The following THADA variants were observed in gnomAD, a reference collection of about 807,000 sequenced individuals.
THADA encodes the protein tRNA (32-2'-O)-methyltransferase regulator THADA.
THADA carries 213 observed loss-of-function variants against 219.8 expected under a neutral mutation model. The ratio of observed to expected loss-of-function variants is 0.97; its 90% CI spans 0.87 to 1.09. The LOEUF (loss-of-function observed/expected upper bound fraction) is 1.09, where lower values mean the gene tolerates loss of function less well. Ranked by LOEUF, THADA falls within the 50% of genes least tolerant of loss-of-function variation. The probability of loss-of-function intolerance (pLI) is 0.00; values close to 1 mark genes in which losing one functional copy is unlikely to be tolerated. For synonymous variants in THADA, 1,018 were observed against 828.9 expected, an observed-to-expected ratio of 1.23 and a Z score of -3.92; for missense variants, 2,956 against 2,311.3, an observed-to-expected ratio of 1.28 and a Z score of -5.72.
rs34612589 is a variant in THADA, at chr2:43,430,241, A to C, written c.3898T>G (p.Leu1300Val). The stretch of plus-strand genomic sequence containing the variant: ...TCTACTGTATTGGCTACAGTTTCCA[A>C]CTGTTTGAGAAGAAAAGGATAGAGT... Reference protein sequence around the residue: ...PELYPFLLKQLETVANTVDSD... With the variant: ...PELYPFLLKQVETVANTVDSD... The change falls in exon 27 of 38, where the codon TTG becomes GTG. Residue 1300 changes from leucine (L) to valine (V), a missense_variant. Coordinates refer to ENST00000405975, the MANE Select transcript of THADA (RefSeq NM_022065.5). 4 of 1,550,808 alleles carry C rather than the reference A, an allele frequency of 2.6e-6. No homozygotes were observed. The highest frequency in any genetic ancestry group is 3.5e-6 in the Non-Finnish European group (4 of 1,146,892).
At chr2:43,589,107 G>C (rs1701291322) in intron 4 of THADA, among the ~76,000 whole-genome samples, 1 of 152,088 alleles carries the variant, frequency 6.6e-6, no homozygotes, top group Non-Finnish European at 1.5e-5. Context: ...ATATGGTCCA[G>C]CAATCCCACT....
In THADA at chr2:43,508,628, A is replaced by G; in HGVS notation, c.3507+20T>C. ...AAAAGACAAATATAAACAAACAGCTAGGGTCCTACAGATAAATACCTGTAT... is the reference window on the plus strand; with the variant it reads ...AAAAGACAAATATAAACAAACAGCTGGGGTCCTACAGATAAATACCTGTAT... On this transcript the variant is annotated intron_variant, in intron 23 of 37. Transcript: ENST00000405975. The G allele has an allele frequency of 6.2e-7, 1 of 1,608,942 alleles. No individual in the cohort carries two copies. Among genetic ancestry groups the G allele is most frequent in the Non-Finnish European group, 8.5e-7 (1 of 1,177,738 alleles).
intron 26 of THADA, among the ~76,000 whole-genome samples, chr2:43,476,076 C>A (rs1685498729): frequency 6.6e-6 from 1 of 152,160 alleles, no homozygotes; most frequent in African/African-American, 2.4e-5. Flanking sequence ...CCAGCACCAA[C>A]CCCAGACCCA....
intron 25 of THADA, among the ~76,000 whole-genome samples, chr2:43,496,630 G>A (rs1688308804): frequency 6.6e-6 from 1 of 151,612 alleles, no homozygotes; most frequent in Non-Finnish European, 1.5e-5. Flanking sequence ...AGAATGAGAT[G>A]CCACTTCACA....
At chr2:43,390,187 C>T (rs1398579877) in intron 29 of THADA, among the ~76,000 whole-genome samples, 1 of 152,172 alleles carries the variant, frequency 6.6e-6, no homozygotes, top group African/African-American at 2.4e-5. Context: ...GACAGACTGA[C>T]GGTATTCACG....
intron 29 of THADA, among the ~76,000 whole-genome samples, chr2:43,381,583 C>CTT (rs758714440): frequency 3.5e-5 from 5 of 141,384 alleles, no homozygotes; most frequent in Non-Finnish European, 4.6e-5. Context: ...AGTGATAAGT[C>CTT]TTTTTTTTTT....
Position 43,230,969 on chromosome 2 carries a change from TG to T in THADA, c.5840del (p.Pro1947GlnfsTer25), listed in dbSNP as rs1428556506. ...TTCTTCAACATGCCGCTTCTGTTCT[TG>T]GAAGAGTTAACTGCCTCGATTCTGC... The part of the protein sequence containing the change: ...SYAESRQLTL[P>X]RTEAAC On this transcript the variant is annotated frameshift_variant, in exon 38 of 38. Coordinates refer to ENST00000405975, the MANE Select transcript of THADA (RefSeq NM_022065.5). LOFTEE classifies it high-confidence loss of function. 1 of 1,611,840 alleles carries T rather than the reference TG, an allele frequency of 6.2e-7. No homozygotes were observed. The highest frequency in any genetic ancestry group is 8.5e-7 in the Non-Finnish European group (1 of 1,178,138).
intron 24 of THADA, 75 bp from the exon 25 acceptor site, chr2:43,499,030 A>T: frequency 7.0e-7 from 1 of 1,426,408 alleles, no homozygotes. Context: ...ATCCAATAGT[A>T]CAGCTTCAAA....
intron 22 of THADA, among the ~76,000 whole-genome samples, chr2:43,516,390 C>G (rs550789390): frequency 1.3e-5 from 2 of 152,102 alleles, no homozygotes; most frequent in African/African-American, 4.8e-5. Flanking sequence ...TTCCTATGCT[C>G]ACACTACTCC....
At position 43,397,971 on chromosome 2, in the gene THADA, C is replaced by G. The variant is rs760017796; in HGVS notation, c.4227G>C (p.Gln1409His). 3.4e-5 allele frequency: 55 copies of G among 1,613,442 alleles called. No individual in the cohort carries two copies. The highest frequency in any genetic ancestry group is 4.2e-5 in the Non-Finnish European group (49 of 1,179,598). The change falls in exon 29 of 38, where the codon CAG becomes CAC. Residue 1409 changes from glutamine (Q) to histidine (H), a missense_variant and splice_region_variant. Gln to His is a conservative substitution (Grantham distance 24). Coordinates refer to ENST00000405975, the MANE Select transcript of THADA (RefSeq NM_022065.5). The stretch of plus-strand genomic sequence containing the variant: ...AGTCACACAAAGCAACTTTACTTAC[C>G]TGGAGAAGTGTCCCATGAATGTGGT... ...RQNHIHGTLL[Q>H]VFHLLQAYSD...
At chr2:43,316,444 G>A (rs187803402) in intron 31 of THADA, among the ~76,000 whole-genome samples, 1 of 152,226 alleles carries the variant, frequency 6.6e-6, no homozygotes, top group Non-Finnish European at 1.5e-5. Context: ...GAGGGACAGG[G>A]GCAACCCTAA....
At chr2:43,467,191 A>AC (rs1178848403) in intron 26 of THADA, among the ~76,000 whole-genome samples, 6 of 148,838 alleles carry the variant, frequency 4.0e-5, no homozygotes, top group Admixed American at 4.0e-4. Context: ...CAAAAAAAAA[A>AC]AAAAAAAAAA....
chr2:43,304,293 G>A (rs778797073), intron 31 of THADA, among the ~76,000 whole-genome samples: 36 of 152,240 alleles, frequency 2.4e-4, no homozygotes, highest in Admixed American at 1.5e-3. Flanking sequence ...GCAAAGCCCC[G>A]GTAATCACAC....
At chr2:43,276,420 C>T (rs959435265) in intron 36 of THADA, among the ~76,000 whole-genome samples, 40 of 152,246 alleles carry the variant, frequency 2.6e-4, no homozygotes, top group African/African-American at 9.1e-4. Flanking sequence ...CTCAGGAGGG[C>T]CGGCTAACCA....
chr2:43,493,021 T>C (rs891276104), intron 25 of THADA, among the ~76,000 whole-genome samples: 1 of 152,168 alleles, frequency 6.6e-6, no homozygotes, highest in Non-Finnish European at 1.5e-5. Context: ...TGTAGCACCC[T>C]TGTGGCAACC....
chr2:43,407,669 T>C (rs1172632213), intron 28 of THADA, among the ~76,000 whole-genome samples: 1 of 152,178 alleles, frequency 6.6e-6, no homozygotes, highest in Non-Finnish European at 1.5e-5. Context: ...TATAAAAGAT[T>C]CTGATATCCA....
intron 28 of THADA, among the ~76,000 whole-genome samples, chr2:43,410,521 T>C (rs1395546640): frequency 6.6e-6 from 1 of 152,198 alleles, no homozygotes; most frequent in Non-Finnish European, 1.5e-5. Flanking sequence ...CAAATTGCAG[T>C]ATATCCATAC....
chr2:43,369,885 G>A (rs1670601771), intron 29 of THADA, among the ~76,000 whole-genome samples: 1 of 152,136 alleles, frequency 6.6e-6, no homozygotes, highest in Non-Finnish European at 1.5e-5. Flanking sequence ...AATTAATTTG[G>A]ACTTAAAATT....
rs566742751 is a variant in THADA at position 43,534,756 on chromosome 2, T to C, written c.3264+6403A>G. 3.9e-5 allele frequency among the ~76,000 whole-genome samples: 6 copies of C among 152,360 alleles called. No individual in the cohort carries two copies. The South Asian group carries it at 1.2e-3, about 32-fold the overall frequency. ...GGTTGATTACGTACCTTGTGTATTT[T>C]GAATAGTGCTGCAATAAACATGGGA... On this transcript the variant is annotated intron_variant, in intron 21 of 37. Coordinates refer to ENST00000405975, the MANE Select transcript of THADA (RefSeq NM_022065.5).
Sources: gnomAD v4.1 joint callset for allele counts (sites outside exome capture counted in the v4.1 genomes callset) on GRCh38, gnomAD v4.1.1 for gene constraint, MANE v1.5 for transcripts, NCBI Gene and HGNC (gene_info 2026-07-23, HGNC 2026-07-21) for gene names.